SCN8A: variants seen among roughly 807,000 people sequenced by gnomAD.
SCN8A encodes the protein sodium voltage-gated channel alpha subunit 8.
SCN8A carries 30 observed loss-of-function variants against 184.1 expected under a neutral mutation model. The ratio of observed to expected loss-of-function variants is 0.16; its 90% CI spans 0.12 to 0.22. SCN8A has a LOEUF of 0.22. SCN8A is among the 10% of genes least tolerant of loss of function. SCN8A has a pLI of 1.00. For synonymous variants in SCN8A, 852 were observed against 907.0 expected (o/e 0.94, Z 1.09); for missense variants, 1,057 against 2,498.9 (o/e 0.42, Z 12.30).
chr12:51,787,283 C>T (rs753318662), intron 22 of SCN8A, among the ~76,000 whole-genome samples: 4 of 152,220 alleles, frequency 2.6e-5, no homozygotes, highest in African/African-American at 7.2e-5. Flanking sequence ...ACACTCACCT[C>T]AGCTCCACCC....
intron 1 of SCN8A, among the ~76,000 whole-genome samples, chr12:51,602,043 A>G (rs890244280): frequency 6.6e-6 from 1 of 151,980 alleles, no homozygotes; most frequent in Non-Finnish European, 1.5e-5. Context: ...TTGAGTGGTC[A>G]GGCCTTTCCA....
chr12:51,741,437 G>T lies in SCN8A; in HGVS notation c.1999-4466G>T, dbSNP rs551418219. Among the ~76,000 whole-genome samples the T allele has an allele frequency of 3.3e-5, 5 of 152,152 alleles. No homozygotes were observed. In the South Asian group the frequency reaches 1.0e-3, roughly 32 times the overall value. On this transcript the variant is annotated intron_variant, in intron 12 of 26. Coordinates refer to ENST00000627620, the MANE Select transcript of SCN8A (RefSeq NM_001330260.2). ...TTAGCCACTCTATGTCTTTTTATTG[G>T]AGAGTTTAGTTTATTTACATTCAGT... is the stretch of plus-strand genomic sequence containing the variant.
intron 14 of SCN8A, among the ~76,000 whole-genome samples, chr12:51,751,919 C>A (rs1010878915): frequency 6.6e-6 from 1 of 152,186 alleles, no homozygotes; most frequent in African/African-American, 2.4e-5. Flanking sequence ...TTCTGTTTCT[C>A]ACATTGATTC....
intron 26 of SCN8A, among the ~76,000 whole-genome samples, chr12:51,798,257 G>A (rs1000585682): frequency 3.3e-5 from 5 of 152,332 alleles, no homozygotes; most frequent in Non-Finnish European, 4.4e-5. Flanking sequence ...CTTCTTAGCT[G>A]TAAAGTGAGT....
chr12:51,686,309 T>C (rs1459135490), intron 3 of SCN8A, 59 bp from the exon 4 acceptor site: 1 of 1,052,836 alleles, frequency 9.5e-7, no homozygotes, highest in Non-Finnish European at 1.5e-6. Context: ...AATGTGTTTG[T>C]TTTTTGAGAA....
At chr12:51,686,519 C>A in intron 4 of SCN8A, 62 bp downstream of exon 4, 2 of 1,178,376 alleles carry the variant, frequency 1.7e-6, no homozygotes, top group Non-Finnish European at 2.5e-6. Context: ...CTAAATCTTG[C>A]TTTGCCACAG....
At chr12:51,692,695 T>A (rs1941531644) in intron 6 of SCN8A, among the ~76,000 whole-genome samples, 1 of 152,234 alleles carries the variant, frequency 6.6e-6, no homozygotes, top group South Asian at 2.1e-4. Flanking sequence ...TGTATTTGTC[T>A]GAGTCCCGCA....
chr12:51,615,324 G>A lies in SCN8A; in HGVS notation c.-55+23965G>A, dbSNP rs374428367. ...AATCCAAACACTTTGGGAGGCCAAG[G>A]TGGGCAGATCGCTTGAGCCCAGGAA... On this transcript the variant is annotated intron_variant, in intron 1 of 26. Coordinates refer to ENST00000627620, the MANE Select transcript of SCN8A (RefSeq NM_001330260.2). Among the ~76,000 whole-genome samples, 104 of 152,274 alleles carry A rather than the reference G, an allele frequency of 6.8e-4. 1 individual carries two copies. Among genetic ancestry groups the A allele is most frequent in the African/African-American group, 2.4e-3 (99 of 41,556 alleles).
chr12:51,601,026 T>A (rs1939452309), intron 1 of SCN8A, among the ~76,000 whole-genome samples: 1 of 152,164 alleles, frequency 6.6e-6, no homozygotes, highest in Non-Finnish European at 1.5e-5. Flanking sequence ...TTACAGTAAT[T>A]CTATTAGGAG....
chr12:51,715,799 G>A (rs1941955914), intron 11 of SCN8A, among the ~76,000 whole-genome samples: 1 of 152,064 alleles, frequency 6.6e-6, no homozygotes, highest in South Asian at 2.1e-4. Flanking sequence ...TATGAATTCA[G>A]TGTAGTTTAG....
At chr12:51,614,781 GTTC>G (rs1290415505) in intron 1 of SCN8A, among the ~76,000 whole-genome samples, 3 of 75,832 alleles carry the variant, frequency 4.0e-5, no homozygotes, top group Middle Eastern at 6.9e-3. Flanking sequence ...CATACTGTAT[GTTC>G]TTTTTTTTTT....
chr12:51,786,539 C>T lies in SCN8A; in HGVS notation c.3943-3C>T. Reference sequence around the variant, plus strand: ...CACTGAGCAACCTCCCCTTCCAATGCAGGTGGTGGTGAATGCCTTGGTGGG... The same window carrying T: ...CACTGAGCAACCTCCCCTTCCAATGTAGGTGGTGGTGAATGCCTTGGTGGG... On this transcript the variant is annotated splice_polypyrimidine_tract_variant and splice_region_variant and intron_variant, in intron 21 of 26. Coordinates refer to ENST00000627620, the MANE Select transcript of SCN8A (RefSeq NM_001330260.2). 3 of 1,614,108 alleles carry T rather than the reference C, an allele frequency of 1.9e-6. No individual in the cohort carries two copies. Among genetic ancestry groups the T allele is most frequent in the Non-Finnish European group, 2.5e-6 (3 of 1,179,984 alleles).
chr12:51,770,623 G>A lies in SCN8A; in HGVS notation c.3585G>A (p.Val1195=), dbSNP rs1942911444. The part of the protein sequence containing the change: ...WILRKTCFLI[V]EHNWFETFII... ...TGCGGAAAACCTGCTTCCTCATCGT[G>A]GAGCACAACTGGTTTGAGACCTTCA... is the stretch of plus-strand genomic sequence containing the variant. Residue 1195 remains valine (V), a synonymous_variant, in exon 19 of 27, where the codon GTG becomes GTA. Coordinates refer to ENST00000627620, the MANE Select transcript of SCN8A (RefSeq NM_001330260.2). 2 of 1,614,076 alleles carry A rather than the reference G, an allele frequency of 1.2e-6. No individual in the cohort carries two copies. The highest frequency in any genetic ancestry group is 8.5e-7 in the Non-Finnish European group (1 of 1,180,042).
intron 26 of SCN8A, among the ~76,000 whole-genome samples, chr12:51,800,324 T>C (rs1383031616): frequency 6.6e-6 from 1 of 152,232 alleles, no homozygotes; most frequent in Non-Finnish European, 1.5e-5. Flanking sequence ...GTTCAGCTTA[T>C]GATAATCCAC....
chr12:51,714,591 C>T (rs899934754), intron 11 of SCN8A, among the ~76,000 whole-genome samples: 2 of 152,082 alleles, frequency 1.3e-5, no homozygotes, highest in Admixed American at 6.5e-5. Flanking sequence ...CAGGGACCTC[C>T]GGGGGTCTCC....
chr12:51,715,097 T>C (rs1941943556), intron 11 of SCN8A, among the ~76,000 whole-genome samples: 1 of 152,196 alleles, frequency 6.6e-6, no homozygotes, highest in East Asian at 1.9e-4. Flanking sequence ...TAAATCAGGA[T>C]TGGATCCTGG....
chr12:51,687,493 C>T (rs1344323663), intron 5 of SCN8A, among the ~76,000 whole-genome samples: 5 of 152,080 alleles, frequency 3.3e-5, no homozygotes, highest in East Asian at 3.9e-4. Flanking sequence ...GGCACTCTCT[C>T]GTATTTTATT....
At position 51,721,576 on chromosome 12, in the gene SCN8A, C is replaced by G. The variant is rs773118948; in HGVS notation, c.1666C>G (p.Leu556Val). 13 of 1,605,320 alleles carry G rather than the reference C, an allele frequency of 8.1e-6. No individual in the cohort carries two copies. The highest frequency in any genetic ancestry group is 1.1e-5 in the Non-Finnish European group (13 of 1,175,926). The change falls in exon 12 of 27, where the codon CTC (leucine) becomes GTC (valine). Residue 556 changes from leucine (L) to valine (V), a missense_variant. Leu to Val is a conservative substitution (Grantham distance 32, BLOSUM62 1). Coordinates refer to ENST00000627620, the MANE Select transcript of SCN8A (RefSeq NM_001330260.2). ...SLLSIPGSPF[L>V]SRHNSKSSIF... is the part of the protein sequence containing the mutation. ...GCTCAGCATCCCAGGCTCGCCCTTC[C>G]TCTCCCGCCACAACAGCAAGAGCAG...
intron 22 of SCN8A, among the ~76,000 whole-genome samples, chr12:51,788,162 G>A (rs1308301430): frequency 6.6e-6 from 1 of 152,122 alleles, no homozygotes; most frequent in Non-Finnish European, 1.5e-5. Context: ...GGAAGGGACT[G>A]TCAAGGATAA....
Sources: gnomAD v4.1 joint callset for allele counts (sites outside exome capture counted in the v4.1 genomes callset) on GRCh38, gnomAD v4.1.1 for gene constraint, MANE v1.5 for transcripts, NCBI Gene and HGNC (gene_info 2026-07-23, HGNC 2026-07-21) for gene names.